The following RYR2 variants were observed in gnomAD, a reference collection of about 807,000 sequenced individuals.
The protein encoded by RYR2 is ryanodine receptor 2.
A neutral mutation model predicts 601.1 loss-of-function variants in RYR2; 227 were observed. The ratio of observed to expected loss-of-function variants is 0.38; its 90% CI spans 0.34 to 0.42. The LOEUF is 0.42. Among genes scored for constraint, RYR2 ranks in the 10% least tolerant of loss-of-function variants. The pLI is 1.00. For missense variants in RYR2, 4,646 were observed against 6,156.5 expected (o/e 0.75, Z 8.21); for synonymous variants, 2,223 against 2,175.1 (o/e 1.02, Z -0.61).
At chr1:237,123,716 G>A (rs1367020426) in intron 1 of RYR2, among the ~76,000 whole-genome samples, 1 of 137,910 alleles carries the variant, frequency 7.3e-6, no homozygotes, top group Non-Finnish European at 1.5e-5. Flanking sequence ...GCCGGACTGC[G>A]GACTGCAGTG....
chr1:237,639,947 A>G (rs1681294136), intron 46 of RYR2, among the ~76,000 whole-genome samples: 1 of 152,132 alleles, frequency 6.6e-6, no homozygotes, highest in South Asian at 2.1e-4. Context: ...CTGGGCATAG[A>G]TGTTCCATGT....
intron 1 of RYR2, among the ~76,000 whole-genome samples, chr1:237,138,811 G>A (rs576494106): frequency 6.6e-6 from 1 of 152,276 alleles, no homozygotes; most frequent in South Asian, 2.1e-4. Context: ...GTTCAACTTT[G>A]TTAGTTATTA....
At chr1:237,464,006 G>A (rs1479420703) in intron 16 of RYR2, among the ~76,000 whole-genome samples, 1 of 152,204 alleles carries the variant, frequency 6.6e-6, no homozygotes, top group African/African-American at 2.4e-5. Context: ...CACACATTTT[G>A]ATCTATAACC....
intron 44 of RYR2, among the ~76,000 whole-genome samples, chr1:237,636,838 G>A (rs1025360202): frequency 6.6e-6 from 1 of 151,624 alleles, no homozygotes; most frequent in Admixed American, 6.6e-5. Context: ...CATATACGGT[G>A]AAATGTCATC....
intron 94 of RYR2, 67 bp downstream of exon 94, chr1:237,792,390 T>TGC (rs1257290441): frequency 5.2e-6 from 4 of 767,658 alleles, no homozygotes; most frequent in Middle Eastern, 3.8e-4. Context: ...TGCGTGTGTG[T>TGC]GTGTGTGCGT....
At chr1:237,388,056 T>C in intron 9 of RYR2, 31 bp from the exon 10 acceptor site, 1 of 1,586,334 alleles carries the variant, frequency 6.3e-7, no homozygotes, top group Non-Finnish European at 8.6e-7. Context: ...ACACTGACAG[T>C]CCAGACCTGA....
chr1:237,738,651 G>T (rs1691349185), intron 79 of RYR2, among the ~76,000 whole-genome samples: 1 of 152,076 alleles, frequency 6.6e-6, no homozygotes, highest in Admixed American at 6.6e-5. Flanking sequence ...TGTTTTCTAA[G>T]ATTCCTCCAT....
intron 1 of RYR2, among the ~76,000 whole-genome samples, chr1:237,229,498 G>A (rs986731300): frequency 2.0e-5 from 3 of 152,152 alleles, no homozygotes; most frequent in Non-Finnish European, 2.9e-5. Flanking sequence ...TTGGAAGGCT[G>A]TAAACATCCC....
At chr1:237,530,235 C>T (rs545122626) in intron 24 of RYR2, among the ~76,000 whole-genome samples, 192 bp from the exon 25 acceptor site, 69 of 151,168 alleles carry the variant, frequency 4.6e-4, no homozygotes, top group Non-Finnish European at 7.7e-4. Context: ...GGCGTGAATC[C>T]GGGAGGCGGA....
intron 15 of RYR2, among the ~76,000 whole-genome samples, chr1:237,455,614 C>A (rs1441038204): frequency 6.6e-6 from 1 of 152,002 alleles, no homozygotes; most frequent in Non-Finnish European, 1.5e-5. Context: ...CAAACAAAAC[C>A]AGAAAGGGTT....
rs556407569 is a variant in RYR2, at chr1:237,793,323, GAATCATTATGTTCTAGAA to G, written c.13783-529_13783-512del. ...TGTAAAGTCTGTCCGTGTAAAAAGA[GAATCATTATGTTCTAGAA>G]AATCATTATGTTCTGGAAATATTTT... On this transcript the variant is annotated intron_variant, in intron 94 of 104. Transcript: ENST00000366574. Among the ~76,000 whole-genome samples the G allele has an allele frequency of 4.8e-3, 729 of 152,304 alleles. 5 individuals carry two copies. The highest frequency in any genetic ancestry group is 0.016 in the African/African-American group (669 of 41,560).
In RYR2 at chr1:237,503,497, A is replaced by T. The variant is rs1664879047; in HGVS notation, c.2605A>T (p.Thr869Ser). The T allele has an allele frequency of 1.2e-6, 2 of 1,613,536 alleles. No individual in the cohort carries two copies. Among genetic ancestry groups the T allele is most frequent in the Non-Finnish European group, 8.5e-7 (1 of 1,179,530 alleles). The change falls in exon 22 of 105, where the codon ACC becomes TCC. Residue 869 changes from threonine to serine, a missense_variant. Around this residue, in one of 17 missense-constraint regions of RYR2, gnomAD observed 1,807 missense variants for 2,088.1 expected, o/e 0.87. Coordinates refer to ENST00000366574, the MANE Select transcript of RYR2 (RefSeq NM_001035.3). ...TGCCTTCACACCCATCCCTGTGGAT[A>T]CCAGCCAGGTACCAAGATCCACTCG... Reference protein sequence around the residue: ...QAAFTPIPVDTSQIVLPPHLE... With the variant: ...QAAFTPIPVDSSQIVLPPHLE...
intron 11 of RYR2, among the ~76,000 whole-genome samples, chr1:237,418,751 T>G (rs1292992531): frequency 3.3e-5 from 5 of 151,974 alleles, no homozygotes; most frequent in Admixed American, 2.0e-4. Context: ...TTATTTCTTA[T>G]ATTTCTTATG....
At chr1:237,712,166 G>A (rs932818067) in intron 71 of RYR2, among the ~76,000 whole-genome samples, 5 of 152,186 alleles carry the variant, frequency 3.3e-5, no homozygotes, top group South Asian at 2.1e-4. Flanking sequence ...AGGAGAAGAC[G>A]TGGGCGAGAG....
At chr1:237,539,556 C>T (rs981223302) in intron 25 of RYR2, among the ~76,000 whole-genome samples, 2 of 152,084 alleles carry the variant, frequency 1.3e-5, no homozygotes, top group Admixed American at 6.5e-5. Flanking sequence ...CCAGTGGAGC[C>T]GGAAATCATT....
At position 237,595,564 on chromosome 1, in the gene RYR2, C is replaced by T. The variant is rs794728735; in HGVS notation, c.4503C>T (p.Asn1501=). 1 of 1,613,628 alleles carries T rather than the reference C, an allele frequency of 6.2e-7. No individual in the cohort carries two copies. The change falls in exon 34 of 105, where the codon AAC becomes AAT. Residue 1501 remains asparagine, a synonymous_variant. Coordinates refer to ENST00000366574, the MANE Select transcript of RYR2 (RefSeq NM_001035.3). The part of the protein sequence containing the change: ...GESMSPGQGR[N]NNGLEIGCVV... ...GCATGAGCCCCGGGCAAGGACGCAA[C>T]AATAATGGACTGGAGATTGGCTGTG... is the stretch of plus-strand genomic sequence containing the variant.
At chr1:237,445,229 T>A (rs1297406777) in intron 13 of RYR2, among the ~76,000 whole-genome samples, 172 bp from the exon 14 acceptor site, 1 of 152,166 alleles carries the variant, frequency 6.6e-6, no homozygotes, top group African/African-American at 2.4e-5. Flanking sequence ...GGCTAATTTG[T>A]ATAGGGAGCT....
In RYR2 at chr1:237,602,096, GT is replaced by G; in HGVS notation, c.4670del (p.Leu1557TrpfsTer4). ...CAAGTCCCAATGTTTTCCAGTTTGA[GT>G]TGGGAAGAATAAAGGTAATAAAACT... ...ATSPNVFQFE[L>X]GRIKNVMPLS... On this transcript the variant is annotated frameshift_variant, in exon 35 of 105. Coordinates refer to ENST00000366574, the MANE Select transcript of RYR2 (RefSeq NM_001035.3). LOFTEE classifies it high-confidence loss of function. 1 of 1,612,442 alleles carries G rather than the reference GT, an allele frequency of 6.2e-7. No individual in the cohort carries two copies. The highest frequency in any genetic ancestry group is 8.5e-7 in the Non-Finnish European group (1 of 1,179,094).
At chr1:237,615,089 C>T (rs1678324631) in intron 37 of RYR2, among the ~76,000 whole-genome samples, 1 of 152,156 alleles carries the variant, frequency 6.6e-6, no homozygotes, top group Admixed American at 6.5e-5. Context: ...ATCAAATACC[C>T]CTTTCCACCC....
Sources: gnomAD v4.1 joint callset for allele counts (sites outside exome capture counted in the v4.1 genomes callset) on GRCh38, gnomAD v4.1.1 for gene constraint, gnomAD v4.1.1 regional missense constraint, MANE v1.5 for transcripts, NCBI Gene and HGNC (gene_info 2026-07-23, HGNC 2026-07-21) for gene names.